Variants in CDH20 observed in about 807,000 individuals in gnomAD.
CDH20 encodes the protein cadherin-20.
CDH20 carries 29 observed loss-of-function variants against 74.2 expected under a neutral mutation model. That is an observed-to-expected ratio of 0.39 (90% CI 0.29 to 0.53). The LOEUF (loss-of-function observed/expected upper bound fraction) is 0.53. CDH20 is among the 20% of genes least tolerant of loss of function. CDH20 has a pLI of 0.69. For missense variants in CDH20, 988 were observed against 1,048.3 expected, an observed-to-expected ratio of 0.94 and a Z score of 0.79; for synonymous variants, 469 against 405.4, an observed-to-expected ratio of 1.16 and a Z score of -1.88.
At chr18:61,389,119 C>G (rs972455655) in intron 1 of CDH20, among the ~76,000 whole-genome samples, 12 of 152,150 alleles carry the variant, frequency 7.9e-5, no homozygotes, top group African/African-American at 2.9e-4. Context: ...GTGGGGCTCC[C>G]CCTCTCACAT....
At chr18:61,444,614 C>T (rs1037342383) in intron 1 of CDH20, among the ~76,000 whole-genome samples, 1 of 152,134 alleles carries the variant, frequency 6.6e-6, no homozygotes, top group African/African-American at 2.4e-5. Flanking sequence ...AGAGATTCAA[C>T]CCAAAGGGGG....
At position 61,550,169 on chromosome 18, in the gene CDH20, CCAGT is replaced by C; in HGVS notation, c.1845_1848del (p.Ser616Ter). 1.2e-6 allele frequency: 2 copies of C among 1,614,130 alleles called. No homozygotes were observed. Among genetic ancestry groups the C allele is most frequent in the South Asian group, 1.1e-5 (1 of 91,080 alleles). ...CTGCAGCCCAGAGGCCTACATGCTC[CCAGT>C]CAGTTTGAGCCGGGGCGCCCTCATT... is the stretch of plus-strand genomic sequence containing the variant. On this transcript the variant is annotated frameshift_variant, in exon 11 of 12. Coordinates refer to ENST00000262717, the MANE Select transcript of CDH20 (RefSeq NM_031891.4). LOFTEE classifies it high-confidence loss of function.
At chr18:61,481,395 A>G (rs961571001) in intron 1 of CDH20, among the ~76,000 whole-genome samples, 2 of 152,228 alleles carry the variant, frequency 1.3e-5, no homozygotes, top group Non-Finnish European at 2.9e-5. Flanking sequence ...CAAAAGGATT[A>G]AGCAATATAT....
Position 61,468,438 on chromosome 18 carries a change from G to A in CDH20, c.-152-21964G>A, listed in dbSNP as rs1380119425. ...GGGATGTGTAGGTGTGTGAGTGTGT[G>A]TGTTTGGGGAGGGGAAGGACATACT... On this transcript the variant is annotated intron_variant, in intron 1 of 11. Coordinates refer to ENST00000262717, the MANE Select transcript of CDH20 (RefSeq NM_031891.4). 2.0e-5 allele frequency among the ~76,000 whole-genome samples: 3 copies of A among 152,164 alleles called. No individual in the cohort carries two copies. The East Asian group carries it at 5.8e-4, about 29-fold the overall frequency.
chr18:61,338,376 C>A (rs1313621512), intron 1 of CDH20, among the ~76,000 whole-genome samples: 1 of 152,058 alleles, frequency 6.6e-6, no homozygotes, highest in Non-Finnish European at 1.5e-5. Flanking sequence ...CTCTTGCTAA[C>A]CAGGACTCTC....
At chr18:61,364,134 A>C (rs1910786387) in intron 1 of CDH20, among the ~76,000 whole-genome samples, 1 of 151,754 alleles carries the variant, frequency 6.6e-6, no homozygotes, top group African/African-American at 2.4e-5. Flanking sequence ...GGTGGGGGGG[A>C]ACATGATGAA....
intron 1 of CDH20, among the ~76,000 whole-genome samples, chr18:61,409,353 G>A (rs903206259): frequency 6.6e-6 from 1 of 152,158 alleles, no homozygotes; most frequent in African/African-American, 2.4e-5. Flanking sequence ...ACCTGTTTCT[G>A]TCTTTGCTAG....
intron 1 of CDH20, among the ~76,000 whole-genome samples, chr18:61,482,016 A>C (rs114737546): frequency 0.98 from 147,128 of 150,552 alleles, 71,861 homozygotes; most frequent in South Asian, 1. Context: ...AGACAAATAA[A>C]AAAAAAAAAA....
intron 10 of CDH20, among the ~76,000 whole-genome samples, chr18:61,548,043 C>T (rs1320037086): frequency 6.6e-6 from 1 of 152,044 alleles, no homozygotes; most frequent in African/African-American, 2.4e-5. Flanking sequence ...TAGAGAAAAA[C>T]CTGCTTTCTG....
At position 61,499,278 on chromosome 18, in the gene CDH20, T is replaced by G. The variant is rs1568165272; in HGVS notation, c.339T>G (p.Thr113=). 1 of 1,613,974 alleles carries G rather than the reference T, an allele frequency of 6.2e-7. No homozygotes were observed. The highest frequency in any genetic ancestry group is 2.2e-5 in the East Asian group (1 of 44,868). The change falls in exon 3 of 12, where the codon ACT becomes ACG. Residue 113 remains threonine (T), a synonymous_variant. Coordinates refer to ENST00000262717, the MANE Select transcript of CDH20 (RefSeq NM_031891.4). ...AGIVFTIDDT[T]GDIHAIQRLD... is the part of the protein sequence containing the mutation. ...TCGTGTTTACCATCGACGACACCAC[T>G]GGAGACATCCACGCCATTCAGAGGC...
intron 1 of CDH20, among the ~76,000 whole-genome samples, chr18:61,410,099 CTATG>C (rs1912448963): frequency 6.6e-6 from 1 of 152,178 alleles, no homozygotes; most frequent in South Asian, 2.1e-4. Context: ...TATTGTCCTA[CTATG>C]TTTCCTAGAG....
chr18:61,474,832 G>A (rs1910310453), intron 1 of CDH20, among the ~76,000 whole-genome samples: 3 of 152,094 alleles, frequency 2.0e-5, no homozygotes, highest in Non-Finnish European at 4.4e-5. Context: ...ATCAATAGAT[G>A]TTCCCTGGAA....
At chr18:61,477,420 A>G (rs931494291) in intron 1 of CDH20, among the ~76,000 whole-genome samples, 4 of 152,186 alleles carry the variant, frequency 2.6e-5, no homozygotes, top group African/African-American at 9.6e-5. Context: ...ATTTCTATAG[A>G]ATAGATTTTG....
chr18:61,340,027 C>G (rs1909894751), intron 1 of CDH20, among the ~76,000 whole-genome samples: 1 of 151,954 alleles, frequency 6.6e-6, no homozygotes, highest in South Asian at 2.1e-4. Context: ...GCCCCCAACA[C>G]CCCAACACTC....
chr18:61,397,210 A>G (rs1912013092), intron 1 of CDH20, among the ~76,000 whole-genome samples: 1 of 151,844 alleles, frequency 6.6e-6, no homozygotes, highest in Non-Finnish European at 1.5e-5. Flanking sequence ...ACCCACCCAC[A>G]TCTCTGCCCT....
intron 1 of CDH20, among the ~76,000 whole-genome samples, chr18:61,462,391 T>C (rs1445612998): frequency 6.6e-6 from 1 of 152,134 alleles, no homozygotes; most frequent in Non-Finnish European, 1.5e-5. Context: ...TGCCTCAATA[T>C]TGGGTTAAGG....
In CDH20 at chr18:61,554,368, C is replaced by T. The variant is rs1218992794; in HGVS notation, c.2079C>T (p.Ala693=). The change falls in exon 12 of 12, where the codon GCC becomes GCT. Residue 693 remains alanine, a synonymous_variant. Transcript: ENST00000262717. ...ACCCCCGGGAGGCGCAGGCGGGGGC[C>T]GCCCCCAAGACGCGGCAGGACATGC... The part of the protein sequence containing the change: ...MWNPREAQAG[A]APKTRQDMLP... The T allele has an allele frequency of 2.5e-6, 4 of 1,612,964 alleles. No homozygotes were observed. The African/African-American group carries it at 4.0e-5, about 16-fold the overall frequency.
rs953747957 is a variant in CDH20, at chr18:61,532,823, T to G, written c.1272-3670T>G. 3.9e-5 allele frequency among the ~76,000 whole-genome samples: 6 copies of G among 152,322 alleles called. No homozygotes were observed. In the East Asian group the frequency reaches 1.2e-3, roughly 29 times the overall value. On this transcript the variant is annotated intron_variant, in intron 7 of 11. Coordinates refer to ENST00000262717, the MANE Select transcript of CDH20 (RefSeq NM_031891.4). The stretch of plus-strand genomic sequence containing the variant: ...GATTACAGTTGCTGGCAACTTTAAA[T>G]CAAATTTTGAACCCAATATATTTCC...
At chr18:61,509,386 AGTCC>A (rs1433186977) in intron 6 of CDH20, among the ~76,000 whole-genome samples, 1 of 152,212 alleles carries the variant, frequency 6.6e-6, no homozygotes, top group Non-Finnish European at 1.5e-5. Flanking sequence ...CATACGTGGC[AGTCC>A]TAGAGAGAAG....
Sources: allele counts gnomAD v4.1 joint callset (sites outside exome capture counted in the v4.1 genomes callset), GRCh38; gene constraint gnomAD v4.1.1; transcripts MANE v1.5; gene names NCBI Gene and HGNC (gene_info 2026-07-23, HGNC 2026-07-21).